Variants in DOCK3 observed in about 807,000 individuals in gnomAD.
The protein encoded by DOCK3 is dedicator of cytokinesis 3.
In DOCK3, 60 loss-of-function variants were observed where a neutral mutation model predicts 265.6. The observed-to-expected ratio is 0.23, with a 90% CI of 0.18 to 0.28. DOCK3 has a LOEUF of 0.28. Among genes scored for constraint, DOCK3 ranks in the 10% least tolerant of loss-of-function variants. The pLI is 1.00. For missense variants in DOCK3, 1,981 were observed against 2,594.3 expected (o/e 0.76, Z 5.14); for synonymous variants, 881 against 938.0 (o/e 0.94, Z 1.11).
rs1261185994 is a variant in DOCK3, at chr3:50,740,542, G to A, written c.38-38133G>A. Among the ~76,000 whole-genome samples the A allele has an allele frequency of 3.9e-5, 6 of 152,184 alleles. No homozygotes were observed. The East Asian group carries it at 1.2e-3, about 29-fold the overall frequency. Reference sequence around the variant, plus strand: ...TCTTTACTAACATTTGGTATGGCCAGTCTTTTTAATTTTAGCAGTCTATAG... The same window carrying A: ...TCTTTACTAACATTTGGTATGGCCAATCTTTTTAATTTTAGCAGTCTATAG... On this transcript the variant is annotated intron_variant, in intron 1 of 52. Transcript: ENST00000266037.
intron 1 of DOCK3, among the ~76,000 whole-genome samples, chr3:50,776,782 C>T (rs1447613894): frequency 3.3e-5 from 5 of 152,066 alleles, no homozygotes; most frequent in Non-Finnish European, 2.9e-5. Context: ...TTTCATTCTT[C>T]TACATGTGGC....
chr3:50,817,833 A>C (rs962944841), intron 2 of DOCK3, among the ~76,000 whole-genome samples: 4 of 152,040 alleles, frequency 2.6e-5, no homozygotes, highest in Non-Finnish European at 5.9e-5. Context: ...TGCAAATTTG[A>C]GGCTGAGAAG....
chr3:51,006,787 C>A (rs1253453855), intron 5 of DOCK3, among the ~76,000 whole-genome samples: 1 of 152,150 alleles, frequency 6.6e-6, no homozygotes, highest in African/African-American at 2.4e-5. Flanking sequence ...CCCTACCCCA[C>A]AACAGGCCCG....
rs183980031 is a variant in DOCK3 at position 51,007,985 on chromosome 3, C to A, written c.316-56463C>A. On this transcript the variant is annotated intron_variant, in intron 5 of 52. Coordinates refer to ENST00000266037, the MANE Select transcript of DOCK3 (RefSeq NM_004947.5). ...CATTCTGTTCCATTGGTCTGTATCTCTTTTCTGGTACCAGTATCATGTTGT... is the reference window on the plus strand; with the variant it reads ...CATTCTGTTCCATTGGTCTGTATCTATTTTCTGGTACCAGTATCATGTTGT... Among the ~76,000 whole-genome samples, 4 of 152,236 alleles carry A rather than the reference C, an allele frequency of 2.6e-5. No individual in the cohort carries two copies. In the East Asian group the frequency reaches 7.7e-4, roughly 29 times the overall value.
intron 5 of DOCK3, among the ~76,000 whole-genome samples, chr3:51,057,357 G>C (rs2109190855): frequency 6.6e-6 from 1 of 152,224 alleles, no homozygotes; most frequent in Non-Finnish European, 1.5e-5. Context: ...TTAGTCTGTA[G>C]GGTTTTTGCA....
At chr3:50,696,070 T>A (rs1197935194) in intron 1 of DOCK3, among the ~76,000 whole-genome samples, 1 of 152,226 alleles carries the variant, frequency 6.6e-6, no homozygotes, top group Non-Finnish European at 1.5e-5. Context: ...CCTCTGTGTC[T>A]CCATTTGATA....
Position 51,310,287 on chromosome 3 carries a change from T to A in DOCK3, c.2978T>A (p.Phe993Tyr). Residue 993 changes from phenylalanine to tyrosine, a missense_variant, in exon 28 of 53, where the codon TTC becomes TAC. Transcript: ENST00000266037. ...VFRNLMKMSVFPRDWMVMRLL... is the reference protein window; with the variant it reads ...VFRNLMKMSVYPRDWMVMRLL... The stretch of plus-strand genomic sequence containing the variant: ...CGGAACCTGATGAAGATGAGTGTCT[T>A]CCCTCGGGACTGGATGGTAATGAGA... 6.2e-7 allele frequency: 1 copy of A among 1,605,824 alleles called. No homozygotes were observed. Among genetic ancestry groups the A allele is most frequent in the Non-Finnish European group, 8.5e-7 (1 of 1,176,254 alleles).
At chr3:50,937,234 G>GC (rs1158208358) in intron 5 of DOCK3, among the ~76,000 whole-genome samples, 1 of 141,998 alleles carries the variant, frequency 7.0e-6, no homozygotes, top group East Asian at 2.0e-4. Context: ...CCAAGATTGT[G>GC]CCATTGCACT....
chr3:51,287,694 T>C (rs1015118999), intron 27 of DOCK3, among the ~76,000 whole-genome samples: 2 of 152,212 alleles, frequency 1.3e-5, no homozygotes, highest in East Asian at 3.8e-4. Context: ...AATGGGAATG[T>C]AAATTAGTCC....
At chr3:50,933,282 A>G (rs137993907) in intron 4 of DOCK3, among the ~76,000 whole-genome samples, 31 of 152,298 alleles carry the variant, frequency 2.0e-4, no homozygotes, top group African/African-American at 6.3e-4. Flanking sequence ...CTGATTCCCT[A>G]TTCAGACCAA....
chr3:50,868,351 C>T (rs918627521), intron 3 of DOCK3, among the ~76,000 whole-genome samples: 1 of 152,074 alleles, frequency 6.6e-6, no homozygotes, highest in South Asian at 2.1e-4. Context: ...GGATTACAGG[C>T]GTAAGGCACC....
At chr3:50,805,148 T>G (rs557324733) in intron 2 of DOCK3, among the ~76,000 whole-genome samples, 2 of 152,340 alleles carry the variant, frequency 1.3e-5, no homozygotes, top group African/African-American at 2.4e-5. Flanking sequence ...CTTCCAATTT[T>G]ATGGTGTAGG....
chr3:51,380,988 T>C (rs578089666), intron 52 of DOCK3, 62 bp from the exon 53 acceptor site: 2 of 1,522,204 alleles, frequency 1.3e-6, no homozygotes, highest in African/African-American at 1.4e-5. Flanking sequence ...GGTCTTCCTA[T>C]GGCGGGCAAG....
chr3:51,127,002 G>A (rs1160343910), intron 9 of DOCK3, among the ~76,000 whole-genome samples: 1 of 151,692 alleles, frequency 6.6e-6, no homozygotes, highest in Non-Finnish European at 1.5e-5. Flanking sequence ...TAACTCACAC[G>A]ATCCCACAAT....
chr3:50,874,912 C>A (rs1299786094), intron 3 of DOCK3, among the ~76,000 whole-genome samples: 1 of 152,020 alleles, frequency 6.6e-6, no homozygotes, highest in African/African-American at 2.4e-5. Flanking sequence ...GCTTTGCAGG[C>A]ACACGGATGA....
chr3:51,151,795 C>T (rs193046843), intron 10 of DOCK3, among the ~76,000 whole-genome samples: 30 of 152,246 alleles, frequency 2.0e-4, no homozygotes, highest in African/African-American at 6.5e-4. Flanking sequence ...GTTGAAAATT[C>T]GTTTCTTTAA....
intron 2 of DOCK3, among the ~76,000 whole-genome samples, chr3:50,783,520 G>A (rs1229316023): frequency 6.6e-6 from 1 of 152,022 alleles, no homozygotes; most frequent in Admixed American, 6.6e-5. Context: ...GTGTATTCAT[G>A]TCCTTAGCCC....
intron 27 of DOCK3, among the ~76,000 whole-genome samples, chr3:51,286,081 T>C (rs9784275): frequency 0.91 from 138,542 of 151,926 alleles, 63,310 homozygotes; most frequent in African/African-American, 0.96. Flanking sequence ...ATAACCTCTT[T>C]CCAAAAGTTC....
intron 13 of DOCK3, 42 bp from the exon 14 acceptor site, chr3:51,214,078 CAG>C (rs1300313113): frequency 2.5e-6 from 4 of 1,611,234 alleles, no homozygotes; most frequent in Non-Finnish European, 3.4e-6. Flanking sequence ...TACTATATAA[CAG>C]GGTAGAACTG....
Sources: gnomAD v4.1 joint callset for allele counts (sites outside exome capture counted in the v4.1 genomes callset) on GRCh38, gnomAD v4.1.1 for gene constraint, MANE v1.5 for transcripts, NCBI Gene and HGNC (gene_info 2026-07-23, HGNC 2026-07-21) for gene names.